CCDC57: variants seen among roughly 807,000 people sequenced by gnomAD.
The protein encoded by CCDC57 is coiled-coil domain-containing protein 57.
A neutral mutation model predicts 118.9 loss-of-function variants in CCDC57; 118 were observed. The ratio of observed to expected loss-of-function variants is 0.99; its 90% CI spans 0.86 to 1.16. CCDC57 has a LOEUF of 1.16. Among genes scored for constraint, CCDC57 ranks in the 50% most tolerant of loss-of-function variants. CCDC57 has a pLI of 0.00. For synonymous variants in CCDC57, 527 were observed against 532.9 expected (o/e 0.99, Z 0.15); for missense variants, 1,300 against 1,320.7 (o/e 0.98, Z 0.24).
intron 11 of CCDC57, among the ~76,000 whole-genome samples, chr17:82,176,841 A>G (rs557753821): frequency 9.0e-6 from 1 of 111,054 alleles, no homozygotes; most frequent in Admixed American, 1.1e-4. Flanking sequence ...AACAGGGAAG[A>G]TGAGGGTTTT....
chr17:82,145,891 G>A, intron 16 of CCDC57: 1 of 440,926 alleles, frequency 2.3e-6, no homozygotes. Context: ...GGTGTTGGCA[G>A]GAACCAGTGT....
exon 20 of CCDC57, chr17:82,101,622 G>C: frequency 5.1e-6 from 7 of 1,378,478 alleles, no homozygotes; most frequent in Non-Finnish European, 7.0e-6. Context: ...GTAGGTGAAA[G>C]CACAGGCACC....
chr17:82,201,677 C>T (rs1207832323), exon 3 of CCDC57: 1 of 1,613,394 alleles, frequency 6.2e-7, no homozygotes. Context: ...CTCACCTCTG[C>T]CCGCCTGGCC....
At chr17:82,177,367 ACT>A (rs1265832379) in intron 11 of CCDC57, among the ~76,000 whole-genome samples, 1 of 151,108 alleles carries the variant, frequency 6.6e-6, no homozygotes, top group Non-Finnish European at 1.5e-5. Context: ...CACGAGCAAA[ACT>A]CTGTCTAAAA....
chr17:82,180,215 AGG>A (rs1198348017), intron 9 of CCDC57, among the ~76,000 whole-genome samples: 1 of 152,204 alleles, frequency 6.6e-6, no homozygotes, highest in Non-Finnish European at 1.5e-5. Flanking sequence ...TCAGACAGTG[AGG>A]GAATGGAGGC....
downstream of CCDC57, chr17:82,101,510 G>C (rs769210433): frequency 1.7e-6 from 1 of 588,454 alleles, no homozygotes; most frequent in East Asian, 3.0e-5. Context: ...CTGTGCTCAG[G>C]GAGGCCTTCA....
rs2050231344 is a variant in CCDC57, at chr17:82,212,395, CTCTTTTTT to C, written c.-211+382_-211+389del. On this transcript the variant is annotated intron_variant, in intron 1 of 19. Transcript: ENST00000665763. The surrounding 1 kb of genome is among the most constrained non-coding windows in gnomAD (Gnocchi z 4.1). ...ACCGCCTCCGGCCTTTTTTTTTCCT[CTCTTTTTT>C]TTTTTTTTTTTTTAAACTCACAGAC... 6.0e-5 allele frequency among the ~76,000 whole-genome samples: 8 copies of C among 134,224 alleles called. 1 individual carries two copies. Among genetic ancestry groups the C allele is most frequent in the East Asian group, 2.2e-4 (1 of 4,578 alleles). 88.1% of individuals were successfully genotyped at this position (134,224 alleles called of 152,430 possible). A position where few individuals can be genotyped will look rare whatever the true frequency, so the allele number is the denominator to read the frequency against.
At chr17:82,194,263 T>A in intron 5 of CCDC57, 124 bp from the exon 5 acceptor site, 2 of 1,006,420 alleles carry the variant, frequency 2.0e-6, no homozygotes, top group Non-Finnish European at 2.9e-6. Flanking sequence ...CAAGAAGCAG[T>A]AAAACAGTGA....
chr17:82,121,434 T>C (rs1014027167), intron 19 of CCDC57, among the ~76,000 whole-genome samples: 5 of 152,040 alleles, frequency 3.3e-5, no homozygotes, highest in African/African-American at 1.2e-4. Flanking sequence ...GGTCTAAGAC[T>C]CTGTTAAGAC....
intron 9 of CCDC57, among the ~76,000 whole-genome samples, chr17:82,181,346 G>A (rs548355192): frequency 1.6e-4 from 24 of 152,400 alleles, no homozygotes; most frequent in African/African-American, 5.8e-4. Context: ...AGGGCACGCA[G>A]TGGGGTCTGG....
chr17:82,176,545 T>G (rs1207470975), intron 11 of CCDC57, among the ~76,000 whole-genome samples: 1 of 152,162 alleles, frequency 6.6e-6, no homozygotes, highest in East Asian at 1.9e-4. Flanking sequence ...ACTACCTGCT[T>G]CTTTACTTGA....
intron 16 of CCDC57, among the ~76,000 whole-genome samples, chr17:82,141,447 A>G (rs945525554): frequency 1.3e-5 from 2 of 152,198 alleles, no homozygotes; most frequent in African/African-American, 4.8e-5. Context: ...AGGCCTCCCA[A>G]AGTGTTGGGA....
rs752045943 is a variant in CCDC57, at chr17:82,163,255, TTCCTGAGTGCCAG to T, written c.1972_1984del (p.Leu658SerfsTer9). The T allele has an allele frequency of 6.2e-7, 1 of 1,614,046 alleles. No homozygotes were observed. The highest frequency in any genetic ancestry group is 8.5e-7 in the Non-Finnish European group (1 of 1,179,910). On this transcript the variant is annotated frameshift_variant, in exon 14 of 20. Transcript: ENST00000665763. LOFTEE classifies it high-confidence loss of function. ...TAGGAGCTGCACTCTGTCCCCGAGC[TTCCTGAGTGCCAG>T]TCCAGAGGATACTGGGCCAGCTTGG...
Position 82,179,136 on chromosome 17 carries a change from T to A in CCDC57, c.1265A>T (p.Asp422Val), listed in dbSNP as rs369450670. The A allele has an allele frequency of 2.1e-4, 341 of 1,614,000 alleles. 4 individuals are homozygous for A. The Middle Eastern group carries it at 0.017, about 82-fold the overall frequency. ...CCAGTCCAGGCCCAGCTGCACCTGA[T>A]CACGCTCCAGGCTCCGCTCCCTTTC... Residue 422 changes from aspartate to valine, a missense_variant, in exon 10 of 20, where the codon GAT becomes GTT. Asp to Val is a radical substitution (Grantham distance 152, BLOSUM62 -3). Coordinates refer to ENST00000665763, the Ensembl canonical transcript of CCDC57.
chr17:82,183,733 T>G lies in CCDC57; in HGVS notation c.1211+41A>C, dbSNP rs1173648218. 3.9e-6 allele frequency: 6 copies of G among 1,542,722 alleles called. No individual in the cohort carries two copies. The East Asian group carries it at 1.5e-4, about 38-fold the overall frequency. On this transcript the variant is annotated intron_variant, in intron 9 of 19. Coordinates refer to ENST00000665763, the Ensembl canonical transcript of CCDC57. Reference sequence around the variant, plus strand: ...TAGTACCTACAACAGCACCTGCCCATAGGAGACCCTCAATGGAAACATCTG... The same window carrying G: ...TAGTACCTACAACAGCACCTGCCCAGAGGAGACCCTCAATGGAAACATCTG...
In CCDC57 at chr17:82,192,644, G is replaced by T. The variant is rs150056617; in HGVS notation, c.851+1112C>A. On this transcript the variant is annotated intron_variant, in intron 7 of 19. Transcript: ENST00000665763. This position sits in a 1 kb window ranked among gnomAD's most constrained non-coding sequence, Gnocchi z 4.0. ...GTGTCTGTTTGGGCTCGACTGCCTCGGTTTCCTCATCTAGGTAGAGAACCC... is the reference window on the plus strand; with the variant it reads ...GTGTCTGTTTGGGCTCGACTGCCTCTGTTTCCTCATCTAGGTAGAGAACCC... Among the ~76,000 whole-genome samples, 1 of 152,114 alleles carries T rather than the reference G, an allele frequency of 6.6e-6. No individual in the cohort carries two copies. Among genetic ancestry groups the T allele is most frequent in the East Asian group, 1.9e-4 (1 of 5,184 alleles).
intron 12 of CCDC57, 106 bp from the exon 12 acceptor site, chr17:82,171,959 C>A: frequency 5.1e-6 from 6 of 1,186,584 alleles, no homozygotes; most frequent in Non-Finnish European, 6.1e-6. Context: ...TGCCCGCCAG[C>A]TTCACTGTCC....
At chr17:82,156,678 T>C (rs1388265944) in intron 15 of CCDC57, 1 of 152,302 alleles carries the variant, frequency 6.6e-6, no homozygotes, top group African/African-American at 2.4e-5. Context: ...GCTCAGCCCT[T>C]CCTGTGCGCA....
intron 19 of CCDC57, among the ~76,000 whole-genome samples, chr17:82,103,845 G>A (rs550841933): frequency 2.3e-4 from 34 of 148,960 alleles, no homozygotes; most frequent in Admixed American, 6.6e-4. Context: ...GGGCAGGGAG[G>A]GGCAGGGAGG....
Sources: allele counts gnomAD v4.1 joint callset (sites outside exome capture counted in the v4.1 genomes callset), GRCh38; gene constraint gnomAD v4.1.1; non-coding constraint Gnocchi (gnomAD v3.1); transcripts MANE v1.5; gene names NCBI Gene and HGNC (gene_info 2026-07-23, HGNC 2026-07-21).